SCUBE1: variants seen among roughly 807,000 people sequenced by gnomAD.
SCUBE1 encodes the protein signal peptide, CUB and EGF-like domain-containing protein 1.
A neutral mutation model predicts 124.4 loss-of-function variants in SCUBE1; 59 were observed. The observed-to-expected ratio is 0.47, with a 90% CI of 0.38 to 0.59. The LOEUF (loss-of-function observed/expected upper bound fraction) is 0.59, where lower values mean the gene tolerates loss of function less well. SCUBE1 is among the 20% of genes least tolerant of loss of function. The pLI, the probability that SCUBE1 is intolerant of heterozygous loss-of-function variation, is 0.00. For missense variants in SCUBE1, 1,150 were observed against 1,371.2 expected, an observed-to-expected ratio of 0.84 and a Z score of 2.55; for synonymous variants, 545 against 550.9, an observed-to-expected ratio of 0.99 and a Z score of 0.15.
chr22:43,209,157 A>G (rs572214711), intron 19 of SCUBE1, among the ~76,000 whole-genome samples: 6 of 152,284 alleles, frequency 3.9e-5, no homozygotes, highest in Non-Finnish European at 8.8e-5. Context: ...ACTCCTGCCC[A>G]GGATAACGCA....
chr22:43,337,471 C>T (rs1022153570), intron 2 of SCUBE1, among the ~76,000 whole-genome samples: 2 of 152,202 alleles, frequency 1.3e-5, no homozygotes, highest in African/African-American at 4.8e-5. Flanking sequence ...ACCAGCCTCA[C>T]ATGTACCACT....
intron 2 of SCUBE1, among the ~76,000 whole-genome samples, chr22:43,334,292 T>A (rs1926993208): frequency 6.6e-6 from 1 of 152,232 alleles, no homozygotes; most frequent in South Asian, 2.1e-4. Flanking sequence ...TTTCTTATTG[T>A]ATGTTCTTGA....
intron 21 of SCUBE1, among the ~76,000 whole-genome samples, chr22:43,205,660 C>A: frequency 7.2e-6 from 1 of 139,428 alleles, no homozygotes; most frequent in Non-Finnish European, 1.5e-5. Flanking sequence ...CCCCCACACA[C>A]ACCACACACC....
chr22:43,213,886 A>G (rs1436331347), intron 16 of SCUBE1, among the ~76,000 whole-genome samples: 2 of 152,152 alleles, frequency 1.3e-5, no homozygotes, highest in Non-Finnish European at 2.9e-5. Flanking sequence ...GGGACTGCTG[A>G]CGCTTTGGGA....
chr22:43,328,101 C>T (rs960954478), intron 2 of SCUBE1, among the ~76,000 whole-genome samples: 3 of 152,098 alleles, frequency 2.0e-5, no homozygotes, highest in African/African-American at 7.2e-5. Context: ...GTGTTGCTCC[C>T]AAGAAGCAGG....
chr22:43,317,901 T>C (rs1926407475), intron 3 of SCUBE1, among the ~76,000 whole-genome samples: 1 of 151,966 alleles, frequency 6.6e-6, no homozygotes. Context: ...AAAGGAAAAT[T>C]TGGACACAGA....
chr22:43,312,573 G>A (rs976899977), intron 3 of SCUBE1, among the ~76,000 whole-genome samples: 1 of 152,190 alleles, frequency 6.6e-6, no homozygotes, highest in Non-Finnish European at 1.5e-5. Flanking sequence ...CTGGAGCGGA[G>A]GGCTCCGTAC....
intron 7 of SCUBE1, among the ~76,000 whole-genome samples, chr22:43,233,154 C>A (rs1029303991): frequency 6.6e-6 from 1 of 152,172 alleles, no homozygotes; most frequent in Non-Finnish European, 1.5e-5. Flanking sequence ...CACCTGAGGT[C>A]GGGAGTTCCA....
rs1922086898 is a variant in SCUBE1, at chr22:43,221,386, T to A, written c.1433-97A>T. The A allele has an allele frequency of 3.3e-5, 14 of 426,658 alleles. No homozygotes were observed. The Admixed American group carries it at 4.6e-4, about 14-fold the overall frequency. 26.4% of individuals were successfully genotyped at this position (426,658 alleles called of 1,614,324 possible). ...GCCAGGGGACAAATCCATCTGGAGC[T>A]GGGGGTGGGGCTTGATCTGAGTCCC... is the stretch of plus-strand genomic sequence containing the variant. On this transcript the variant is annotated intron_variant, in intron 12 of 21. Transcript: ENST00000360835.
intron 3 of SCUBE1, among the ~76,000 whole-genome samples, chr22:43,298,333 C>T (rs1925640403): frequency 6.6e-6 from 1 of 152,206 alleles, no homozygotes; most frequent in Admixed American, 6.5e-5. Flanking sequence ...CTGAGGTCTT[C>T]CCTGGGGCTC....
intron 3 of SCUBE1, among the ~76,000 whole-genome samples, chr22:43,308,003 A>C (rs1421738389): frequency 1.3e-5 from 2 of 151,260 alleles, no homozygotes; most frequent in Admixed American, 6.6e-5. Flanking sequence ...CAGTCCCCCC[A>C]CCCAATCCCA....
intron 6 of SCUBE1, among the ~76,000 whole-genome samples, chr22:43,240,965 G>T (rs528521409): frequency 6.6e-6 from 1 of 152,276 alleles, no homozygotes; most frequent in African/African-American, 2.4e-5. Flanking sequence ...TGCAGAGGGT[G>T]GGGGAGACAG....
rs573593667 is a variant in SCUBE1, at chr22:43,262,320, C to T, written c.610+400G>A. Among the ~76,000 whole-genome samples, 22 of 152,312 alleles carry T rather than the reference C, an allele frequency of 1.4e-4. No individual in the cohort carries two copies. The East Asian group carries it at 3.7e-3, about 25-fold the overall frequency. ...TCCCGGAAAAAAGGTCAGCACAGCC[C>T]GGAATGGGACCACTTCAGAACCATA... On this transcript the variant is annotated intron_variant, in intron 5 of 21. Transcript: ENST00000360835.
chr22:43,205,666 A>G (rs1601790534), intron 21 of SCUBE1, among the ~76,000 whole-genome samples: 1 of 91,570 alleles, frequency 1.1e-5, no homozygotes, highest in South Asian at 4.1e-4. Context: ...CACACACCAC[A>G]CACCCACTCA....
intron 2 of SCUBE1, among the ~76,000 whole-genome samples, chr22:43,320,952 G>A (rs770836768): frequency 2.0e-5 from 3 of 152,196 alleles, no homozygotes; most frequent in South Asian, 4.1e-4. Flanking sequence ...TTGCCAGCCT[G>A]GTGGTGCCGG....
At position 43,199,004 on chromosome 22, in the gene SCUBE1, T is replaced by A. The variant is rs1026674161; in HGVS notation, c.*4993A>T. On this transcript the variant is annotated 3_prime_UTR_variant, in exon 22 of 22. Coordinates refer to ENST00000360835, the MANE Select transcript of SCUBE1 (RefSeq NM_173050.5). ...GGGCAACGTGTCTGTCTGTCTGCTGTCCGGGGCAGTGTGTCTGTTTGTCTC... is the reference window on the plus strand; with the variant it reads ...GGGCAACGTGTCTGTCTGTCTGCTGACCGGGGCAGTGTGTCTGTTTGTCTC... 1 of 358,248 alleles carries A rather than the reference T, an allele frequency of 2.8e-6. No individual in the cohort carries two copies. Among genetic ancestry groups the A allele is most frequent in the African/African-American group, 2.2e-5 (1 of 46,338 alleles). The allele number at this position is 358,248 out of a possible 1,614,324, so 22.2% of individuals were successfully genotyped here.
intron 4 of SCUBE1, among the ~76,000 whole-genome samples, chr22:43,278,891 C>T (rs1436300007): frequency 6.6e-6 from 1 of 152,024 alleles, no homozygotes; most frequent in Non-Finnish European, 1.5e-5. Flanking sequence ...CTGGGCCTGT[C>T]GAGGACACCT....
At chr22:43,238,471 A>C in intron 7 of SCUBE1, 1 of 565,704 alleles carries the variant, frequency 1.8e-6, no homozygotes, top group Admixed American at 3.1e-5. Flanking sequence ...AACGCGCTAC[A>C]TTCTACGCGC....
intron 12 of SCUBE1, among the ~76,000 whole-genome samples, chr22:43,222,125 A>G (rs1263257721): frequency 1.3e-5 from 2 of 152,178 alleles, no homozygotes; most frequent in Non-Finnish European, 2.9e-5. Context: ...CAAATCCAGC[A>G]TCCTGAATAA....
Sources: allele counts gnomAD v4.1 joint callset (sites outside exome capture counted in the v4.1 genomes callset), GRCh38; gene constraint gnomAD v4.1.1; transcripts MANE v1.5; gene names NCBI Gene and HGNC (gene_info 2026-07-23, HGNC 2026-07-21).